The following ADAMTS9 variants were observed in gnomAD, a reference collection of about 807,000 sequenced individuals.
The protein encoded by ADAMTS9 is ADAM metallopeptidase with thrombospondin type 1 motif 9.
A neutral mutation model predicts 257.1 loss-of-function variants in ADAMTS9; 107 were observed. The observed-to-expected ratio is 0.42, with a 90% CI of 0.36 to 0.49. The LOEUF is 0.49. Among genes scored for constraint, ADAMTS9 ranks in the 20% least tolerant of loss-of-function variants. ADAMTS9 has a pLI of 0.03. For missense variants in ADAMTS9, 2,353 were observed against 2,469.1 expected (o/e 0.95, Z 1.00); for synonymous variants, 982 against 880.9 (o/e 1.11, Z -2.03).
intron 11 of ADAMTS9, among the ~76,000 whole-genome samples, chr3:64,645,666 C>A (rs922737293): frequency 6.6e-6 from 1 of 152,206 alleles, no homozygotes; most frequent in East Asian, 1.9e-4. Flanking sequence ...ATATCCACAT[C>A]TTTAATAAAA....
chr3:64,595,209 T>C (rs115397142), intron 27 of ADAMTS9, among the ~76,000 whole-genome samples: 9,384 of 152,256 alleles, frequency 0.062, 846 homozygotes, highest in African/African-American at 0.2. Flanking sequence ...TCTGACTCCG[T>C]CTCCATAGCC....
intron 4 of ADAMTS9, among the ~76,000 whole-genome samples, chr3:64,657,954 C>T (rs1701122401): frequency 6.6e-6 from 1 of 152,144 alleles, no homozygotes; most frequent in Non-Finnish European, 1.5e-5. Context: ...AGGCCTCACT[C>T]CCCAGGCTAC....
chr3:64,555,142 C>T (rs963812621), intron 30 of ADAMTS9, among the ~76,000 whole-genome samples: 1 of 152,126 alleles, frequency 6.6e-6, no homozygotes, highest in African/African-American at 2.4e-5. Context: ...ACTCACAGAA[C>T]CACAGGGTTC....
chr3:64,632,915 C>T (rs1700404982), intron 14 of ADAMTS9, among the ~76,000 whole-genome samples: 4 of 152,050 alleles, frequency 2.6e-5, no homozygotes, highest in South Asian at 2.1e-4. Flanking sequence ...CTAACGAGAA[C>T]GTTGAAATGG....
chr3:64,575,320 C>T (rs2083811790), intron 28 of ADAMTS9, among the ~76,000 whole-genome samples: 1 of 152,120 alleles, frequency 6.6e-6, no homozygotes. Context: ...AGATGTTGTG[C>T]CCAAGGTCAC....
chr3:64,596,924 G>A lies in ADAMTS9; in HGVS notation c.4085C>T (p.Thr1362Ile), dbSNP rs994201449. The A allele has an allele frequency of 3.7e-6, 6 of 1,614,010 alleles. No individual in the cohort carries two copies. The highest frequency in any genetic ancestry group is 5.1e-6 in the Non-Finnish European group (6 of 1,179,974). The stretch of plus-strand genomic sequence containing the variant: ...TATTCTCTCCACACAGTCGTTTGCG[G>A]TGTATCCATTTTCATCCTGACATAC... ...VVVCQDENGY[T>I]ANDCVERIKP... Residue 1362 changes from threonine (T) to isoleucine (I), a missense_variant, in exon 27 of 40, where the codon ACC (threonine) becomes ATC (isoleucine). This residue lies in a region of ADAMTS9 where 1,402 missense variants were observed against 1,441.4 expected (regional missense o/e 0.97). Coordinates refer to ENST00000498707, the MANE Select transcript of ADAMTS9 (RefSeq NM_182920.2).
chr3:64,599,379 T>C (rs1398397997), intron 26 of ADAMTS9, among the ~76,000 whole-genome samples: 1 of 152,218 alleles, frequency 6.6e-6, no homozygotes, highest in Non-Finnish European at 1.5e-5. Flanking sequence ...TTTGAATCTA[T>C]TAGTAAAACG....
At chr3:64,646,347 G>A (rs1010067414) in intron 11 of ADAMTS9, among the ~76,000 whole-genome samples, 2 of 152,170 alleles carry the variant, frequency 1.3e-5, no homozygotes, top group Non-Finnish European at 2.9e-5. Context: ...GTAAGAATGA[G>A]TGTCATATTC....
At chr3:64,546,665 G>A in intron 32 of ADAMTS9, 93 bp downstream of exon 32, 1 of 1,320,048 alleles carries the variant, frequency 7.6e-7, no homozygotes. Context: ...CCTGGAAGTA[G>A]AGTTACTAAG....
intron 28 of ADAMTS9, among the ~76,000 whole-genome samples, chr3:64,570,551 TG>T (rs751647836): frequency 1.4e-3 from 220 of 151,858 alleles, no homozygotes; most frequent in Non-Finnish European, 1.6e-3. Context: ...TGAGTGGAAA[TG>T]AGAAAGTCAC....
intron 37 of ADAMTS9, among the ~76,000 whole-genome samples, chr3:64,535,552 C>CTTTTTTTTTTTTTTT (rs57945713): frequency 3.5e-5 from 3 of 84,674 alleles, no homozygotes; most frequent in South Asian, 4.5e-4. Flanking sequence ...CTTTTCTTTT[C>CTTTTTTTTTTTTTTT]TTTTTTTTTT....
At chr3:64,544,147 C>A (rs2083165908) in intron 32 of ADAMTS9, among the ~76,000 whole-genome samples, 1 of 152,162 alleles carries the variant, frequency 6.6e-6, no homozygotes, top group African/African-American at 2.4e-5. Context: ...ATTCCATGCT[C>A]ATGGATAGGA....
At position 64,657,549 on chromosome 3, in the gene ADAMTS9, C is replaced by T. The variant is rs370619065; in HGVS notation, c.969+953G>A. On this transcript the variant is annotated intron_variant, in intron 4 of 39. Coordinates refer to ENST00000498707, the MANE Select transcript of ADAMTS9 (RefSeq NM_182920.2). ...AGAGACCAGGTCTTGCTATAATGCC[C>T]AGGCTGGTCTTAAACTCTGGGCCTC... is the stretch of plus-strand genomic sequence containing the variant. Among the ~76,000 whole-genome samples the T allele has an allele frequency of 1.4e-4, 21 of 151,968 alleles. No individual in the cohort carries two copies. In the East Asian group the frequency reaches 3.3e-3, roughly 24 times the overall value.
Position 64,615,309 on chromosome 3 carries a change from C to T in ADAMTS9, c.3189+12G>A. The T allele has an allele frequency of 6.2e-7, 1 of 1,612,204 alleles. No individual in the cohort carries two copies. Among genetic ancestry groups the T allele is most frequent in the Non-Finnish European group, 8.5e-7 (1 of 1,179,084 alleles). ...AGATGACCTAGGGGAAATAACAGCC[C>T]TCCCATCTTACCTCTGACCAGTCTC... On this transcript the variant is annotated intron_variant, in intron 21 of 39. Transcript: ENST00000498707.
At chr3:64,575,796 C>T (rs1246779568) in intron 28 of ADAMTS9, among the ~76,000 whole-genome samples, 10 of 152,258 alleles carry the variant, frequency 6.6e-5, no homozygotes, top group Middle Eastern at 3.4e-3. Context: ...TGAGACAATG[C>T]ATGCAAAGCT....
At chr3:64,646,930 T>A (rs1405482311) in intron 11 of ADAMTS9, among the ~76,000 whole-genome samples, 1 of 152,174 alleles carries the variant, frequency 6.6e-6, no homozygotes, top group Non-Finnish European at 1.5e-5. Flanking sequence ...GAGAAGTTTC[T>A]TGTCTATAAG....
At chr3:64,549,246 G>A (rs923144967) in intron 31 of ADAMTS9, among the ~76,000 whole-genome samples, 4 of 152,132 alleles carry the variant, frequency 2.6e-5, no homozygotes, top group African/African-American at 9.7e-5. Flanking sequence ...TTACAGAAAT[G>A]TGGAAGGCTT....
chr3:64,651,937 A>T (rs1700941570), intron 8 of ADAMTS9, among the ~76,000 whole-genome samples: 1 of 152,216 alleles, frequency 6.6e-6, no homozygotes, highest in Non-Finnish European at 1.5e-5. Flanking sequence ...CTGGAAGGGA[A>T]TGCAGCAGCA....
At chr3:64,560,174 A>C (rs2083396513) in intron 30 of ADAMTS9, among the ~76,000 whole-genome samples, 1 of 152,216 alleles carries the variant, frequency 6.6e-6, no homozygotes, top group Non-Finnish European at 1.5e-5. Context: ...CCCTTGGCTA[A>C]TGTGTGGCAG....
Sources: gnomAD v4.1 joint callset for allele counts (sites outside exome capture counted in the v4.1 genomes callset) on GRCh38, gnomAD v4.1.1 for gene constraint, gnomAD v4.1.1 regional missense constraint, MANE v1.5 for transcripts, NCBI Gene and HGNC (gene_info 2026-07-23, HGNC 2026-07-21) for gene names.